PLIN1: variants seen among roughly 807,000 people sequenced by gnomAD.
PLIN1 encodes perilipin-1.
Under a neutral mutation model 45.8 loss-of-function variants are expected in PLIN1, and 37 were observed. The observed-to-expected ratio is 0.81, with a 90% CI of 0.62 to 1.06. PLIN1 has a LOEUF of 1.06. PLIN1 is among the 50% of genes least tolerant of loss of function. The probability of loss-of-function intolerance (pLI) is 0.00; values close to 1 mark genes in which losing one functional copy is unlikely to be tolerated. For synonymous variants in PLIN1, 340 were observed against 309.2 expected (o/e 1.10, Z -1.05); for missense variants, 776 against 716.5 (o/e 1.08, Z -0.95).
chr15:89,677,613 A>G (rs939760899), intron 1 of PLIN1, 110 bp from the exon 2 acceptor site: 7 of 870,602 alleles, frequency 8.0e-6, no homozygotes, highest in Non-Finnish European at 1.4e-5. Flanking sequence ...CTGGGGGCCC[A>G]TTTGCCCTGA....
At chr15:89,677,581 C>T (rs1567081496) in intron 1 of PLIN1, 78 bp from the exon 2 acceptor site, 2 of 1,225,326 alleles carry the variant, frequency 1.6e-6, no homozygotes, top group East Asian at 4.6e-5. Flanking sequence ...CCTCTCATGG[C>T]CACCAACTAG....
intron 2 of PLIN1, 192 bp downstream of exon 2, chr15:89,677,253 T>G (rs1298447473): frequency 6.3e-6 from 4 of 638,448 alleles, no homozygotes; most frequent in Non-Finnish European, 1.1e-5. Flanking sequence ...GCATCTTTTT[T>G]TCCCCTCCCA....
At chr15:89,673,559 T>C in intron 2 of PLIN1, 145 bp from the exon 3 acceptor site, 1 of 693,424 alleles carries the variant, frequency 1.4e-6, no homozygotes, top group Non-Finnish European at 2.6e-6. Context: ...GGTCTCTAGA[T>C]GCCCCAATCA....
Position 89,671,528 on chromosome 15 carries a change from T to TCCA in PLIN1, c.284_286dup (p.Leu95_Asp96insVal). On this transcript the variant is annotated inframe_insertion, in exon 4 of 9. Transcript: ENST00000300055. ...GGCGGGGATCTTTTCCTCCAGGTGG[T>TCCA]CCAAGCCTCGGCAGGCCAGCTCATT... is the stretch of plus-strand genomic sequence containing the variant. The TCCA allele has an allele frequency of 3.2e-6, 5 of 1,575,730 alleles. No individual in the cohort carries two copies. Among genetic ancestry groups the TCCA allele is most frequent in the Non-Finnish European group, 4.3e-6 (5 of 1,160,164 alleles).
rs780653519 is a variant in PLIN1, at chr15:89,669,608, C to T, written c.663G>A (p.Arg221=). The T allele has an allele frequency of 1.9e-6, 3 of 1,614,096 alleles. No individual in the cohort carries two copies. Among genetic ancestry groups the T allele is most frequent in the Middle Eastern group, 1.7e-4 (1 of 6,060 alleles). Residue 221 remains arginine, a synonymous_variant, in exon 6 of 9, where the codon AGG becomes AGA. Coordinates refer to ENST00000300055, the MANE Select transcript of PLIN1 (RefSeq NM_002666.5). ...AGAGGGTGTTGGTCAGAGCCCCAAC[C>T]CTGCTCAAGAGGCTTGGCTTGGCCT... The part of the protein sequence containing the change: ...SPKAKPSLLS[R]VGALTNTLSR...
intron 6 of PLIN1, among the ~76,000 whole-genome samples, chr15:89,668,124 C>T (rs1283702903): frequency 2.6e-5 from 4 of 152,218 alleles, no homozygotes; most frequent in Admixed American, 2.0e-4. Flanking sequence ...TGCTCTCTGT[C>T]ACCATGCCTT....
In PLIN1 at chr15:89,665,755, G is replaced by T; in HGVS notation, c.1397C>A (p.Pro466His). Reference sequence around the variant, plus strand: ...GACTTCGTCCTCCAGGCCCGGGCCGGGGGGCGCGCCGGGGCTCTGCGCGCT... The same window carrying T: ...GACTTCGTCCTCCAGGCCCGGGCCGTGGGGCGCGCCGGGGCTCTGCGCGCT... ...LRSAQSPGAP[P>H]GPGLEDEVAT... Residue 466 changes from proline to histidine, a missense_variant, in exon 9 of 9, where the codon CCC (proline) becomes CAC (histidine). Coordinates refer to ENST00000300055, the MANE Select transcript of PLIN1 (RefSeq NM_002666.5). 2 of 1,323,336 alleles carry T rather than the reference G, an allele frequency of 1.5e-6. No homozygotes were observed. The highest frequency in any genetic ancestry group is 2.9e-4 in the Middle Eastern group (1 of 3,478). The allele number at this position is 1,323,336 out of a possible 1,614,324, so 82.0% of individuals were successfully genotyped here.
chr15:89,667,019 T>G lies in PLIN1; in HGVS notation c.1126A>C (p.Thr376Pro). ...HLTPAPAVSS[T>P]KGRAMSLSDA... ...GATAGGGACATGGCCCTCCCCTTGG[T>G]TGAGGAGACAGCAGGGGCTGGTGTG... Residue 376 changes from threonine (T) to proline (P), a missense_variant, in exon 8 of 9, where the codon ACC (threonine) becomes CCC (proline). Thr to Pro is a conservative substitution (Grantham distance 38, BLOSUM62 -1). Coordinates refer to ENST00000300055, the MANE Select transcript of PLIN1 (RefSeq NM_002666.5). 1.9e-6 allele frequency: 3 copies of G among 1,614,072 alleles called. No individual in the cohort carries two copies. The highest frequency in any genetic ancestry group is 2.5e-6 in the Non-Finnish European group (3 of 1,179,960).
At chr15:89,668,118 C>G (rs972448966) in intron 6 of PLIN1, among the ~76,000 whole-genome samples, 1 of 152,224 alleles carries the variant, frequency 6.6e-6, no homozygotes, top group Non-Finnish European at 1.5e-5. Context: ...CAGTCCTGCT[C>G]TCTGTCACCA....
intron 6 of PLIN1, 25 bp downstream of exon 6, chr15:89,669,475 G>A (rs760397419): frequency 1.2e-6 from 2 of 1,603,352 alleles, no homozygotes; most frequent in Non-Finnish European, 1.7e-6. Context: ...CACCGGGTCA[G>A]TCAGAGCTCA....
chr15:89,665,721 G>C lies in PLIN1; in HGVS notation c.1431C>G (p.Pro477=), dbSNP rs1440522804. ...CCGGGAAGCCCGGGCGCGGCGCTGC[G>C]GGCGTGGCGACTTCGTCCTCCAGGC... is the stretch of plus-strand genomic sequence containing the variant. ...GPGLEDEVAT[P]AAPRPGFPAV... is the part of the protein sequence containing the mutation. Residue 477 remains proline, a synonymous_variant, in exon 9 of 9, where the codon CCC becomes CCG. Coordinates refer to ENST00000300055, the MANE Select transcript of PLIN1 (RefSeq NM_002666.5). 1 of 1,458,920 alleles carries C rather than the reference G, an allele frequency of 6.9e-7. No individual in the cohort carries two copies. Among genetic ancestry groups the C allele is most frequent in the Non-Finnish European group, 9.0e-7 (1 of 1,107,818 alleles). The allele number at this position is 1,458,920 out of a possible 1,614,324, so 90.4% of individuals were successfully genotyped here.
chr15:89,669,423 G>T, intron 6 of PLIN1, 77 bp downstream of exon 6: 1 of 1,185,094 alleles, frequency 8.4e-7, no homozygotes, highest in Non-Finnish European at 1.2e-6. Context: ...GGGGTGATGG[G>T]TGGGGGATGG....
At chr15:89,667,909 G>A (rs765432686) in intron 6 of PLIN1, 116 bp from the exon 7 acceptor site, 46 of 1,472,800 alleles carry the variant, frequency 3.1e-5, no homozygotes, top group Non-Finnish European at 3.6e-5. Flanking sequence ...GCAGGGCTCA[G>A]CCCCAGCAGA....
chr15:89,677,306 T>A (rs1964534036), intron 2 of PLIN1, 139 bp downstream of exon 2: 1 of 806,864 alleles, frequency 1.2e-6, no homozygotes, highest in Non-Finnish European at 2.2e-6. Context: ...AGGGCAAGAA[T>A]AACTAAGCCA....
intron 3 of PLIN1, 75 bp downstream of exon 3, chr15:89,673,135 A>T (rs1964463149): frequency 8.9e-7 from 1 of 1,124,466 alleles, no homozygotes; most frequent in Non-Finnish European, 1.3e-6. Flanking sequence ...AGTCAGACAG[A>T]CTGAGAGGCG....
At chr15:89,678,341 C>T (rs1392124002) in intron 1 of PLIN1, among the ~76,000 whole-genome samples, 2 of 151,456 alleles carry the variant, frequency 1.3e-5, no homozygotes, top group Non-Finnish European at 2.9e-5. Context: ...GAAACTCCGT[C>T]TCTGCTAAAA....
Position 89,671,469 on chromosome 15 carries a change from G to A in PLIN1, c.333+13C>T. On this transcript the variant is annotated intron_variant, in intron 4 of 8. Coordinates refer to ENST00000300055, the MANE Select transcript of PLIN1 (RefSeq NM_002666.5). Reference sequence around the variant, plus strand: ...AGAGTGCAGGGAGGCTTCGAGAGGTGGGAAGGGCTCACCTTTTCAGGGGGG... The same window carrying A: ...AGAGTGCAGGGAGGCTTCGAGAGGTAGGAAGGGCTCACCTTTTCAGGGGGG... 2.6e-6 allele frequency: 4 copies of A among 1,549,284 alleles called. No homozygotes were observed. Among genetic ancestry groups the A allele is most frequent in the Non-Finnish European group, 3.5e-6 (4 of 1,141,054 alleles).
In PLIN1 at chr15:89,670,055, C is replaced by T. The variant is rs997311573; in HGVS notation, c.523G>A (p.Gly175Arg). Residue 175 changes from glycine to arginine, a missense_variant, in exon 5 of 9, where the codon GGA (glycine) becomes AGA (arginine). Transcript: ENST00000300055. ...ANTRAGRLAS[G>R]GADLALGSIE... ...CTGCCCAAGGCCAAGTCGGCCCCTCCAGAAGCCAGTCGGCCAGCTCGAGTG... is the reference window on the plus strand; with the variant it reads ...CTGCCCAAGGCCAAGTCGGCCCCTCTAGAAGCCAGTCGGCCAGCTCGAGTG... 4.3e-6 allele frequency: 7 copies of T among 1,613,984 alleles called. No individual in the cohort carries two copies. In the Admixed American group the frequency reaches 6.7e-5, roughly 15 times the overall value.
In PLIN1 at chr15:89,664,632, C is replaced by A. The variant is rs1472852565; in HGVS notation, c.*951G>T. ...TGTAAACACAAGCGGGGAGTGCATA[C>A]ACACGTGCCTGCAGGTGCATAGCCC... On this transcript the variant is annotated 3_prime_UTR_variant, in exon 9 of 9. Coordinates refer to ENST00000300055, the MANE Select transcript of PLIN1 (RefSeq NM_002666.5). 1 of 336,334 alleles carries A rather than the reference C, an allele frequency of 3.0e-6. No homozygotes were observed. Among genetic ancestry groups the A allele is most frequent in the African/African-American group, 2.2e-5 (1 of 46,206 alleles). 20.8% of individuals were successfully genotyped at this position (336,334 alleles called of 1,614,324 possible). A position where few individuals can be genotyped will look rare whatever the true frequency, so the allele number is the denominator to read the frequency against.
Sources: allele counts gnomAD v4.1 joint callset (sites outside exome capture counted in the v4.1 genomes callset), GRCh38; gene constraint gnomAD v4.1.1; transcripts MANE v1.5; gene names NCBI Gene and HGNC (gene_info 2026-07-23, HGNC 2026-07-21).